CAMKK1: variants seen among roughly 807,000 people sequenced by gnomAD.
CAMKK1 encodes the protein calcium/calmodulin-dependent protein kinase kinase 1.
A neutral mutation model predicts 63.5 loss-of-function variants in CAMKK1; 20 were observed. The ratio of observed to expected loss-of-function variants is 0.32; its 90% CI spans 0.22 to 0.46. The LOEUF (loss-of-function observed/expected upper bound fraction) is 0.46. Ranked by LOEUF, CAMKK1 falls within the 20% of genes least tolerant of loss-of-function variation. The pLI, the probability that CAMKK1 is intolerant of heterozygous loss-of-function variation, is 1.00. For missense variants in CAMKK1, 588 were observed against 658.1 expected (o/e 0.89, Z 1.17); for synonymous variants, 253 against 269.0 (o/e 0.94, Z 0.58).
At chr17:3,867,279 G>T (rs1351045620) in intron 14 of CAMKK1, among the ~76,000 whole-genome samples, 4 of 152,226 alleles carry the variant, frequency 2.6e-5, no homozygotes, top group Non-Finnish European at 4.4e-5. Flanking sequence ...GCAGAGGGAA[G>T]CGAAGTCTGA....
intron 9 of CAMKK1, among the ~76,000 whole-genome samples, chr17:3,877,038 G>A (rs140948087): frequency 0.017 from 2,553 of 152,174 alleles, 50 homozygotes; most frequent in African/African-American, 0.058. Context: ...GATTACAGGC[G>A]TGAGCCACCG....
intron 15 of CAMKK1, among the ~76,000 whole-genome samples, chr17:3,864,437 G>C (rs1271538531): frequency 1.3e-5 from 2 of 151,178 alleles, no homozygotes; most frequent in Non-Finnish European, 1.5e-5. Flanking sequence ...TAGTAGAGAC[G>C]GGGTTTCACC....
chr17:3,875,578 C>T (rs536518187), intron 10 of CAMKK1, among the ~76,000 whole-genome samples: 3 of 152,246 alleles, frequency 2.0e-5, no homozygotes, highest in Admixed American at 1.3e-4. Flanking sequence ...CCACTGTGCC[C>T]GGCCTCCTGA....
In CAMKK1 at chr17:3,880,425, C is replaced by T; in HGVS notation, c.717G>A (p.Met239Ile). Residue 239 changes from methionine to isoleucine, a missense_variant, in exon 9 of 16, where the codon ATG becomes ATA. This residue lies in a region of CAMKK1 where 357 missense variants were observed against 407.4 expected (regional missense o/e 0.88). Transcript: ENST00000348335. ...AGAAGGGCTTGTCACAGGGCACTTC[C>T]ATGACGGGCCTATGGAGAAGGATGC... is the stretch of plus-strand genomic sequence containing the variant. ...VFDLLRKGPV[M>I]EVPCDKPFSE... The T allele has an allele frequency of 1.2e-6, 2 of 1,613,550 alleles. No individual in the cohort carries two copies. The highest frequency in any genetic ancestry group is 8.5e-7 in the Non-Finnish European group (1 of 1,179,812).
chr17:3,880,458 G>T (rs368864344), intron 8 of CAMKK1, 24 bp from the exon 9 acceptor site: 2 of 1,599,154 alleles, frequency 1.3e-6, no homozygotes, highest in Non-Finnish European at 1.7e-6. Context: ...TGCGGGGAGG[G>T]GCATTCAGCT....
At chr17:3,888,680 C>T (rs560434715) in intron 1 of CAMKK1, among the ~76,000 whole-genome samples, 3 of 152,230 alleles carry the variant, frequency 2.0e-5, no homozygotes, top group South Asian at 2.1e-4. Context: ...GATGGATGCG[C>T]GGGCGGGCGG....
In CAMKK1 at chr17:3,865,921, C is replaced by T. The variant is rs996167610; in HGVS notation, c.1432G>A (p.Gly478Arg). 2 of 1,614,182 alleles carry T rather than the reference C, an allele frequency of 1.2e-6. No homozygotes were observed. Among genetic ancestry groups the T allele is most frequent in the Non-Finnish European group, 1.7e-6 (2 of 1,180,028 alleles). Residue 478 changes from glycine (G) to arginine (R), a missense_variant, in exon 15 of 16, where the codon GGA becomes AGA. Gly to Arg is a moderately radical substitution (Grantham distance 125). Coordinates refer to ENST00000348335, the MANE Select transcript of CAMKK1 (RefSeq NM_032294.3). ...ACCAGTACTTACACCAGTAGGTTTCCTGGAGCAGACATGGATCGCTCTTCC... is the reference window on the plus strand; with the variant it reads ...ACCAGTACTTACACCAGTAGGTTTCTTGGAGCAGACATGGATCGCTCTTCC... ...RREERSMSAP[G>R]NLLVKEGFGE...
Position 3,883,363 on chromosome 17 carries a change from G to A in CAMKK1, c.514+66C>T. 1.3e-6 allele frequency: 2 copies of A among 1,534,378 alleles called. No homozygotes were observed. The highest frequency in any genetic ancestry group is 3.3e-5 in the Admixed American group (2 of 59,850). On this transcript the variant is annotated intron_variant, in intron 5 of 15. Coordinates refer to ENST00000348335, the MANE Select transcript of CAMKK1 (RefSeq NM_032294.3). This position sits in a 1 kb window ranked among gnomAD's most constrained non-coding sequence, Gnocchi z 4.7. ...CCCATTCCTAGCCAAAACTAGCTCA[G>A]GATCGAGGTCTCCTCCTCTGCCTCC...
chr17:3,869,409 C>T, intron 14 of CAMKK1, 78 bp downstream of exon 14: 4 of 1,576,674 alleles, frequency 2.5e-6, no homozygotes, highest in Non-Finnish European at 3.5e-6. Flanking sequence ...TCTGTCCCCC[C>T]AAGGAGCCAG....
intron 12 of CAMKK1, among the ~76,000 whole-genome samples, chr17:3,871,798 A>AC (rs2054899661): frequency 6.6e-6 from 1 of 150,988 alleles, no homozygotes; most frequent in South Asian, 2.1e-4. Context: ...GATGTGCGCC[A>AC]CCACGCCTGG....
rs957058225 is a variant in CAMKK1, at chr17:3,892,379, C to T, written c.-44+560G>A. On this transcript the variant is annotated intron_variant, in intron 1 of 15. Transcript: ENST00000348335. The surrounding 1 kb of genome is among the most constrained non-coding windows in gnomAD (Gnocchi z 7.5). ...CCTGCGCACGTGGACACCCCCCCAG[C>T]CACCAGCCCTGCGCCTCCCGGGCCC... 1.1e-4 allele frequency among the ~76,000 whole-genome samples: 16 copies of T among 152,164 alleles called. No homozygotes were observed. Among genetic ancestry groups the T allele is most frequent in the Non-Finnish European group, 1.3e-4 (9 of 68,016 alleles).
rs2055937623 is a variant in CAMKK1 at position 3,892,471 on chromosome 17, G to A, written c.-44+468C>T. ...GCCAAGGCAGGACCCTGCGCAGCCTGAGCCGCGCGCCGCCGCCGCCCCATT... is the reference window on the plus strand; with the variant it reads ...GCCAAGGCAGGACCCTGCGCAGCCTAAGCCGCGCGCCGCCGCCGCCCCATT... On this transcript the variant is annotated intron_variant, in intron 1 of 15. Coordinates refer to ENST00000348335, the MANE Select transcript of CAMKK1 (RefSeq NM_032294.3). This position sits in a 1 kb window ranked among gnomAD's most constrained non-coding sequence, Gnocchi z 7.5. Among the ~76,000 whole-genome samples the A allele has an allele frequency of 1.3e-5, 2 of 152,232 alleles. No individual in the cohort carries two copies. Among genetic ancestry groups the A allele is most frequent in the Middle Eastern group, 6.9e-3 (2 of 290 alleles).
intron 14 of CAMKK1, among the ~76,000 whole-genome samples, chr17:3,867,311 C>T (rs1288724804): frequency 6.6e-6 from 1 of 152,190 alleles, no homozygotes; most frequent in African/African-American, 2.4e-5. Flanking sequence ...CAGCCCCTTC[C>T]ATGGCACGTG....
chr17:3,874,005 G>C (rs753847199), intron 10 of CAMKK1, among the ~76,000 whole-genome samples: 48 of 152,148 alleles, frequency 3.2e-4, no homozygotes, highest in Non-Finnish European at 6.8e-4. Context: ...ACTCCAGCGT[G>C]TGCTCTCTCT....
Position 3,866,738 on chromosome 17 carries a change from G to A in CAMKK1, c.1342-727C>T, listed in dbSNP as rs559862046. Among the ~76,000 whole-genome samples the A allele has an allele frequency of 4.7e-5, 7 of 149,320 alleles. No individual in the cohort carries two copies. In the South Asian group the frequency reaches 1.5e-3, roughly 32 times the overall value. On this transcript the variant is annotated intron_variant, in intron 14 of 15. Transcript: ENST00000348335. ...CTCATATAGCCTTTTTTTTTTTTCA[G>A]ACGGAGTTTTGCTCTTGTTGCCCAG...
chr17:3,866,953 T>C (rs1228371932), intron 14 of CAMKK1, among the ~76,000 whole-genome samples: 1 of 152,190 alleles, frequency 6.6e-6, no homozygotes, highest in African/African-American at 2.4e-5. Context: ...ACTCCTGACC[T>C]CAAGTGATCC....
rs772298969 is a variant in CAMKK1 at position 3,872,589 on chromosome 17, C to T, written c.1089G>A (p.Arg363=). ...FIDDFILALH[R]KIKNEPVVFP... ...ACACCACGGGCTCATTCTTGATCTT[C>T]CTGTGGAGGGCCAGGATGAAATCGT... Residue 363 remains arginine, a synonymous_variant, in exon 12 of 16, where the codon AGG becomes AGA. Coordinates refer to ENST00000348335, the MANE Select transcript of CAMKK1 (RefSeq NM_032294.3). 7 of 1,613,892 alleles carry T rather than the reference C, an allele frequency of 4.3e-6. No individual in the cohort carries two copies. In the Middle Eastern group the frequency reaches 6.6e-4, roughly 152 times the overall value.
chr17:3,880,219 C>T, intron 9 of CAMKK1, 127 bp downstream of exon 9: 1 of 773,814 alleles, frequency 1.3e-6, no homozygotes, highest in Non-Finnish European at 2.1e-6. Flanking sequence ...ATGCCCCACT[C>T]CCACTGAAGC....
intron 10 of CAMKK1, among the ~76,000 whole-genome samples, chr17:3,874,961 A>C (rs1356784616): frequency 6.6e-6 from 1 of 151,966 alleles, no homozygotes; most frequent in African/African-American, 2.4e-5. Flanking sequence ...CTCTACTAAA[A>C]AATACAAAAA....
Sources: gnomAD v4.1 joint callset for allele counts (sites outside exome capture counted in the v4.1 genomes callset) on GRCh38, gnomAD v4.1.1 for gene constraint, gnomAD v4.1.1 regional missense constraint, Gnocchi (gnomAD v3.1) non-coding constraint, MANE v1.5 for transcripts, NCBI Gene and HGNC (gene_info 2026-07-23, HGNC 2026-07-21) for gene names.